The following TRAM2 variants were observed in gnomAD, a reference collection of about 807,000 sequenced individuals.
TRAM2 encodes the protein translocation associated membrane protein 2, also known as translocating chain-associated membrane protein 2.
In TRAM2, 12 loss-of-function variants were observed where a neutral mutation model predicts 51.0. The observed-to-expected ratio is 0.24, with a 90% confidence interval of 0.15 to 0.38. TRAM2 has a LOEUF of 0.38. Among genes scored for constraint, TRAM2 ranks in the 10% least tolerant of loss-of-function variants. TRAM2 has a pLI of 1.00. For synonymous variants in TRAM2, 175 were observed against 179.4 expected, an observed-to-expected ratio of 0.98 and a Z score of 0.20; for missense variants, 361 against 462.0, an observed-to-expected ratio of 0.78 and a Z score of 2.00.
intron 2 of TRAM2, among the ~76,000 whole-genome samples, chr6:52,534,597 A>G (rs1220346397): frequency 6.6e-6 from 1 of 152,194 alleles, no homozygotes; most frequent in Non-Finnish European, 1.5e-5. Flanking sequence ...GGTTTGGTTT[A>G]CACAATGTTG....
rs1018660880 is a variant in TRAM2, at chr6:52,561,578, C to T, written c.120+15218G>A. Among the ~76,000 whole-genome samples the T allele has an allele frequency of 7.2e-5, 11 of 152,110 alleles. No homozygotes were observed. In the East Asian group the frequency reaches 1.2e-3, roughly 16 times the overall value. The stretch of plus-strand genomic sequence containing the variant: ...TGGGCTCACTGCAAGCTCCGCCTCC[C>T]GGGTTCACACCATTCTCCTGTCTCA... On this transcript the variant is annotated intron_variant, in intron 1 of 10. Coordinates refer to ENST00000182527, the MANE Select transcript of TRAM2 (RefSeq NM_012288.4).
At position 52,516,305 on chromosome 6, in the gene TRAM2, T is replaced by C. The variant is rs1766548359; in HGVS notation, c.295-183A>G. The stretch of plus-strand genomic sequence containing the variant: ...ACAGTGCTTGGTCTAAGGCAAGCAT[T>C]TTGAGAAAGTGGCAAGATGAATGTC... On this transcript the variant is annotated intron_variant, in intron 3 of 10. Coordinates refer to ENST00000182527, the MANE Select transcript of TRAM2 (RefSeq NM_012288.4). The C allele has an allele frequency of 1.9e-5, 12 of 618,252 alleles. No individual in the cohort carries two copies. In the South Asian group the frequency reaches 2.4e-4, roughly 12 times the overall value. The allele number at this position is 618,252 out of a possible 1,614,324, so 38.3% of individuals were successfully genotyped here.
intron 1 of TRAM2, among the ~76,000 whole-genome samples, chr6:52,545,873 C>G (rs140218482): frequency 6.6e-6 from 1 of 152,112 alleles, no homozygotes. Flanking sequence ...GTTTTGCCCC[C>G]ACTCCCACAC....
At chr6:52,526,027 A>C (rs1766770536) in intron 2 of TRAM2, among the ~76,000 whole-genome samples, 1 of 152,108 alleles carries the variant, frequency 6.6e-6, no homozygotes, top group Non-Finnish European at 1.5e-5. Context: ...AGAAGGAATC[A>C]ACCCTGCCAC....
intron 1 of TRAM2, among the ~76,000 whole-genome samples, chr6:52,566,661 A>T (rs2268707): frequency 0.098 from 14,958 of 151,972 alleles, 1,336 homozygotes; most frequent in East Asian, 0.49. Flanking sequence ...ACTGCATCCC[A>T]CCTCCAGAGC....
chr6:52,531,088 A>C (rs1296802766), intron 2 of TRAM2, among the ~76,000 whole-genome samples: 2 of 131,018 alleles, frequency 1.5e-5, no homozygotes, highest in East Asian at 2.3e-4. Flanking sequence ...TTAAGGAAGA[A>C]ACCTTAGAAG....
chr6:52,548,878 GTT>G (rs1767258164), intron 1 of TRAM2, among the ~76,000 whole-genome samples: 1 of 152,186 alleles, frequency 6.6e-6, no homozygotes, highest in Non-Finnish European at 1.5e-5. Context: ...TACCCACAGT[GTT>G]CTTGGCACAA....
chr6:52,572,909 A>G (rs1414947613), intron 1 of TRAM2, among the ~76,000 whole-genome samples: 1 of 152,196 alleles, frequency 6.6e-6, no homozygotes, highest in Non-Finnish European at 1.5e-5. Context: ...TAAATCTGCC[A>G]AATCTGCCTC....
chr6:52,532,925 C>T (rs1354430650), intron 2 of TRAM2, among the ~76,000 whole-genome samples: 2 of 152,046 alleles, frequency 1.3e-5, no homozygotes, highest in Non-Finnish European at 2.9e-5. Flanking sequence ...TAATTTTTCT[C>T]TAAGAGTTAT....
chr6:52,517,622 C>T (rs372256123), intron 2 of TRAM2, among the ~76,000 whole-genome samples: 12 of 152,350 alleles, frequency 7.9e-5, no homozygotes, highest in South Asian at 4.1e-4. Flanking sequence ...CAGCAGGCTG[C>T]GGGGCTGTGA....
chr6:52,550,150 T>A (rs1298733558), intron 1 of TRAM2, among the ~76,000 whole-genome samples: 1 of 152,160 alleles, frequency 6.6e-6, no homozygotes, highest in Non-Finnish European at 1.5e-5. Context: ...GAAAGGGGTA[T>A]TCATCACCTG....
chr6:52,560,843 G>A (rs187912784), intron 1 of TRAM2, among the ~76,000 whole-genome samples: 2 of 152,130 alleles, frequency 1.3e-5, no homozygotes, highest in African/African-American at 2.4e-5. Context: ...TTTGATGCTG[G>A]CTCCTTGCCT....
rs748476423 is a variant in TRAM2, at chr6:52,516,740, G to A, written c.185-3C>T. On this transcript the variant is annotated splice_polypyrimidine_tract_variant and splice_region_variant and intron_variant, in intron 2 of 10. Coordinates refer to ENST00000182527, the MANE Select transcript of TRAM2 (RefSeq NM_012288.4). The stretch of plus-strand genomic sequence containing the variant: ...GTGGTAGTGCACGGTCTCACTGTCT[G>A]TGGAGGTAATAAAAGTCCCATCAGC... 3 of 1,610,148 alleles carry A rather than the reference G, an allele frequency of 1.9e-6. No homozygotes were observed. The Admixed American group carries it at 5.0e-5, about 27-fold the overall frequency.
intron 2 of TRAM2, among the ~76,000 whole-genome samples, chr6:52,521,516 AC>A (rs1192511447): frequency 1.1e-4 from 17 of 150,388 alleles, no homozygotes; most frequent in Non-Finnish European, 1.9e-4. Context: ...ACATGGTGAA[AC>A]CCCCGTCTCC....
chr6:52,512,425 T>C (rs1766467413), intron 4 of TRAM2, among the ~76,000 whole-genome samples: 1 of 151,762 alleles, frequency 6.6e-6, no homozygotes, highest in South Asian at 2.1e-4. Context: ...AGAGGAAAAA[T>C]GACTCACTGC....
intron 1 of TRAM2, among the ~76,000 whole-genome samples, chr6:52,544,374 G>C (rs905771760): frequency 3.3e-5 from 5 of 152,206 alleles, no homozygotes; most frequent in African/African-American, 1.2e-4. Context: ...CCATGGAGGA[G>C]TGTGTCAGTA....
chr6:52,542,051 AG>A (rs1485307015), intron 1 of TRAM2, among the ~76,000 whole-genome samples: 1 of 152,088 alleles, frequency 6.6e-6, no homozygotes, highest in Non-Finnish European at 1.5e-5. Flanking sequence ...GGTAAAGCCA[AG>A]TGACAGGTCC....
chr6:52,520,291 G>A lies in TRAM2; in HGVS notation c.185-3554C>T, dbSNP rs116155917. 3.2e-3 allele frequency among the ~76,000 whole-genome samples: 489 copies of A among 152,338 alleles called. 3 individuals carry two copies. The highest frequency in any genetic ancestry group is 0.011 in the African/African-American group (469 of 41,574). On this transcript the variant is annotated intron_variant, in intron 2 of 10. Transcript: ENST00000182527. The stretch of plus-strand genomic sequence containing the variant: ...CCCCTTAGAGGTCAGGGCAAGACAT[G>A]CGGACTGTACCCTAAAGGAATGAGA...
At chr6:52,525,558 C>CCA (rs1292898024) in intron 2 of TRAM2, among the ~76,000 whole-genome samples, 5 of 152,138 alleles carry the variant, frequency 3.3e-5, no homozygotes, top group Non-Finnish European at 5.9e-5. Flanking sequence ...GCCTGTAATC[C>CCA]CAGCACTTTG....
Sources: allele counts gnomAD v4.1 joint callset (sites outside exome capture counted in the v4.1 genomes callset), GRCh38; gene constraint gnomAD v4.1.1; transcripts MANE v1.5; gene names NCBI Gene and HGNC (gene_info 2026-07-23, HGNC 2026-07-21).